Variants in NFASC observed in about 807,000 individuals in gnomAD.
NFASC encodes the protein neurofascin homolog.
A neutral mutation model predicts 147.5 loss-of-function variants in NFASC; 43 were observed. That is an observed-to-expected ratio of 0.29 (90% CI 0.23 to 0.38). The LOEUF is 0.38. Ranked by LOEUF, NFASC falls within the 10% of genes least tolerant of loss-of-function variation. NFASC has a pLI of 1.00. For synonymous variants in NFASC, 622 were observed against 665.5 expected (o/e 0.93, Z 1.01); for missense variants, 1,320 against 1,689.0 (o/e 0.78, Z 3.83).
chr1:204,950,497 G>T, intron 3 of NFASC, 60 bp from the exon 4 acceptor site: 1 of 1,538,400 alleles, frequency 6.5e-7, no homozygotes, highest in South Asian at 1.2e-5. Flanking sequence ...CTGGGCGGTT[G>T]TGTGCATAAC....
At chr1:204,870,202 T>C (rs1165249853) in intron 1 of NFASC, among the ~76,000 whole-genome samples, 4 of 152,106 alleles carry the variant, frequency 2.6e-5, no homozygotes, top group African/African-American at 9.7e-5. Flanking sequence ...CTGCAGAAGA[T>C]AGGGACAAGG....
At chr1:204,896,391 C>T (rs1204596200) in intron 1 of NFASC, among the ~76,000 whole-genome samples, 1 of 152,230 alleles carries the variant, frequency 6.6e-6, no homozygotes, top group East Asian at 1.9e-4. Context: ...AATAACCCTC[C>T]TTCCTGGGCT....
At chr1:204,970,074 CAAAAAAAA>C (rs11307141) in intron 10 of NFASC, among the ~76,000 whole-genome samples, 53 of 65,476 alleles carry the variant, frequency 8.1e-4, no homozygotes, top group African/African-American at 2.9e-3. Flanking sequence ...GACTCCATCT[CAAAAAAAA>C]AAAAAAAAAA....
intron 27 of NFASC, among the ~76,000 whole-genome samples, chr1:205,007,063 G>A (rs1024998202): frequency 6.6e-6 from 1 of 151,976 alleles, no homozygotes; most frequent in African/African-American, 2.4e-5. Flanking sequence ...AAGAGTTGTC[G>A]GGAGCTGGAG....
chr1:204,874,776 A>G (rs2078425293), intron 1 of NFASC, among the ~76,000 whole-genome samples: 2 of 152,316 alleles, frequency 1.3e-5, no homozygotes, highest in South Asian at 4.1e-4. Flanking sequence ...GGGCCCGGTG[A>G]TAGAGTCAGC....
intron 1 of NFASC, among the ~76,000 whole-genome samples, chr1:204,909,638 T>C (rs2086871600): frequency 6.6e-6 from 1 of 152,238 alleles, no homozygotes; most frequent in East Asian, 1.9e-4. Context: ...AAGAATTGTT[T>C]GTCTAGCTCC....
intron 22 of NFASC, among the ~76,000 whole-genome samples, chr1:204,988,384 A>G (rs527745003): frequency 2.6e-4 from 39 of 152,346 alleles, no homozygotes; most frequent in African/African-American, 7.5e-4. Context: ...AATCAGCCAC[A>G]TAACTCTGCA....
chr1:205,002,176 G>GAGAC (rs1294209564), intron 26 of NFASC, among the ~76,000 whole-genome samples: 2 of 152,194 alleles, frequency 1.3e-5, no homozygotes, highest in Non-Finnish European at 2.9e-5. Flanking sequence ...TGAGAGCCAA[G>GAGAC]AGACAGAGTC....
intron 1 of NFASC, among the ~76,000 whole-genome samples, chr1:204,915,302 A>T (rs6702243): frequency 0.21 from 32,303 of 151,994 alleles, 3,830 homozygotes; most frequent in East Asian, 0.43. Flanking sequence ...AATAAAAATA[A>T]TAATAACAAG....
chr1:204,849,671 GGTCTGCAGCC>G (rs2075498473), intron 1 of NFASC, among the ~76,000 whole-genome samples: 1 of 152,162 alleles, frequency 6.6e-6, no homozygotes. Flanking sequence ...ACCAAACCCA[GGTCTGCAGCC>G]CAGTGCTTTA....
chr1:204,991,569 C>T (rs981511442), intron 24 of NFASC, among the ~76,000 whole-genome samples: 3 of 152,332 alleles, frequency 2.0e-5, no homozygotes, highest in Admixed American at 6.5e-5. Flanking sequence ...ACACACACAC[C>T]GGCCCTGACC....
intron 3 of NFASC, among the ~76,000 whole-genome samples, chr1:204,948,847 G>A (rs909971051): frequency 2.6e-5 from 4 of 152,220 alleles, no homozygotes; most frequent in African/African-American, 9.6e-5. Flanking sequence ...CCTGAATGAA[G>A]AAGCTAAGGG....
intron 8 of NFASC, among the ~76,000 whole-genome samples, chr1:204,963,369 G>T (rs767541997): frequency 6.6e-6 from 1 of 152,194 alleles, no homozygotes; most frequent in East Asian, 1.9e-4. Flanking sequence ...GTTCTAAATC[G>T]GATTCCAGGT....
intron 1 of NFASC, among the ~76,000 whole-genome samples, chr1:204,845,076 C>G (rs1161288020): frequency 6.6e-6 from 1 of 152,144 alleles, no homozygotes; most frequent in Non-Finnish European, 1.5e-5. Context: ...CCCCCTACTT[C>G]CCTCTGTGCC....
At chr1:204,856,632 T>C (rs1021753148) in intron 1 of NFASC, among the ~76,000 whole-genome samples, 6 of 152,180 alleles carry the variant, frequency 3.9e-5, no homozygotes, top group African/African-American at 1.4e-4. Context: ...TTTTTCTTCA[T>C]CCCAGAAGAT....
rs771130951 is a variant in NFASC, at chr1:204,974,669, G to A, written c.1404G>A (p.Gly468=). 6.2e-7 allele frequency: 1 copy of A among 1,614,206 alleles called. No homozygotes were observed. The highest frequency in any genetic ancestry group is 8.5e-7 in the Non-Finnish European group (1 of 1,180,050). ...PIPTLRWFKN[G]QGSNLDGGNY... is the part of the protein sequence containing the mutation. ...GCTCTGTTGTGAGGTTTAAGAATGG[G>A]CAAGGAAGCAACCTGGATGGTGGCA... Residue 468 remains glycine (G), a synonymous_variant, in exon 14 of 30, where the codon GGG becomes GGA. Coordinates refer to ENST00000339876, the MANE Select transcript of NFASC (RefSeq NM_001005388.3).
At chr1:204,838,818 C>A (rs977011861) in intron 1 of NFASC, among the ~76,000 whole-genome samples, 2 of 152,186 alleles carry the variant, frequency 1.3e-5, no homozygotes, top group Admixed American at 1.3e-4. Context: ...ACAGGTGAGC[C>A]TTTTTCTGTT....
At position 204,973,395 on chromosome 1, in the gene NFASC, G is replaced by T; in HGVS notation, c.1255G>T (p.Ala419Ser). ...NTSNEHGYLLANAFVSVLDVP... is the reference protein window; with the variant it reads ...NTSNEHGYLLSNAFVSVLDVP... ...CTCCAACGAGCATGGCTACCTGCTGGCCAACGCCTTTGTCAGTGTGCTGGG... is the reference window on the plus strand; with the variant it reads ...CTCCAACGAGCATGGCTACCTGCTGTCCAACGCCTTTGTCAGTGTGCTGGG... Residue 419 changes from alanine to serine, a missense_variant, in exon 12 of 30, where the codon GCC (alanine) becomes TCC (serine). Ala to Ser is a moderately conservative substitution (Grantham distance 99). Transcript: ENST00000339876. 2.5e-6 allele frequency: 4 copies of T among 1,614,252 alleles called. No individual in the cohort carries two copies. Among genetic ancestry groups the T allele is most frequent in the Non-Finnish European group, 3.4e-6 (4 of 1,180,046 alleles).
intron 2 of NFASC, among the ~76,000 whole-genome samples, chr1:204,941,470 A>G (rs1168670812): frequency 6.6e-6 from 1 of 152,112 alleles, no homozygotes; most frequent in African/African-American, 2.4e-5. Flanking sequence ...GTCCCAAAAT[A>G]AAATATCCGT....
Sources: allele counts gnomAD v4.1 joint callset (sites outside exome capture counted in the v4.1 genomes callset), GRCh38; gene constraint gnomAD v4.1.1; transcripts MANE v1.5; gene names NCBI Gene and HGNC (gene_info 2026-07-23, HGNC 2026-07-21).